The following UBE2E1 variants were observed in gnomAD, a reference collection of about 807,000 sequenced individuals.
The protein encoded by UBE2E1 is ubiquitin conjugating enzyme E2 E1.
In UBE2E1, 6 loss-of-function variants were observed where a neutral mutation model predicts 21.4. That is an observed-to-expected ratio of 0.28 (90% CI 0.15 to 0.55). The LOEUF (loss-of-function observed/expected upper bound fraction) is 0.55, where lower values mean the gene tolerates loss of function less well. Ranked by LOEUF, UBE2E1 falls within the 20% of genes least tolerant of loss-of-function variation. The probability of loss-of-function intolerance (pLI) is 0.93; values close to 1 mark genes in which losing one functional copy is unlikely to be tolerated. For synonymous variants in UBE2E1, 87 were observed against 82.7 expected, an observed-to-expected ratio of 1.05 and a Z score of -0.28; for missense variants, 142 against 236.5, an observed-to-expected ratio of 0.60 and a Z score of 2.62.
chr3:23,879,102 G>GT, intron 3 of UBE2E1: 1 of 510,972 alleles, frequency 2.0e-6, no homozygotes, highest in Non-Finnish European at 3.8e-6. Flanking sequence ...AAGTCTTGCT[G>GT]TTAGCAACTA....
At chr3:23,845,965 C>G (rs1360123243) in intron 3 of UBE2E1, among the ~76,000 whole-genome samples, 1 of 152,036 alleles carries the variant, frequency 6.6e-6, no homozygotes, top group East Asian at 1.9e-4. Flanking sequence ...AACTAGTAGA[C>G]CAAACAGAAA....
intron 3 of UBE2E1, among the ~76,000 whole-genome samples, chr3:23,861,287 T>C (rs1018169908): frequency 6.6e-6 from 1 of 152,232 alleles, no homozygotes; most frequent in African/African-American, 2.4e-5. Context: ...AATTAGGCTC[T>C]CTGCTTCACT....
At chr3:23,882,616 G>A (rs1053268677) in intron 3 of UBE2E1, among the ~76,000 whole-genome samples, 1 of 150,744 alleles carries the variant, frequency 6.6e-6, no homozygotes, top group Admixed American at 6.6e-5. Flanking sequence ...GGCCACGTGG[G>A]AGCCCACTGC....
chr3:23,877,621 G>C (rs992916586), intron 3 of UBE2E1, among the ~76,000 whole-genome samples: 4 of 152,156 alleles, frequency 2.6e-5, no homozygotes, highest in Non-Finnish European at 4.4e-5. Context: ...ACTTCCAGTT[G>C]AGAACCACTG....
In UBE2E1 at chr3:23,841,399, G is replaced by C. The variant is rs998502083; in HGVS notation, c.203+29889G>C. On this transcript the variant is annotated intron_variant, in intron 3 of 5. Transcript: ENST00000306627. Reference sequence around the variant, plus strand: ...AAGAATAGATGATTGATTTTTTTCTGTCTCTCTACTCTTCTTACTCAGAAT... The same window carrying C: ...AAGAATAGATGATTGATTTTTTTCTCTCTCTCTACTCTTCTTACTCAGAAT... Among the ~76,000 whole-genome samples, 23 of 150,810 alleles carry C rather than the reference G, an allele frequency of 1.5e-4. No homozygotes were observed. The East Asian group carries it at 4.1e-3, about 27-fold the overall frequency.
chr3:23,861,694 C>T (rs1387962646), intron 3 of UBE2E1, among the ~76,000 whole-genome samples: 1 of 152,294 alleles, frequency 6.6e-6, no homozygotes, highest in East Asian at 1.9e-4. Context: ...TGTAGGAGCA[C>T]ACTGGGATGC....
At chr3:23,865,147 C>A (rs375033590) in intron 3 of UBE2E1, among the ~76,000 whole-genome samples, 2 of 152,176 alleles carry the variant, frequency 1.3e-5, no homozygotes, top group Admixed American at 1.3e-4. Context: ...TGGCTGTAGT[C>A]AAGGAGTCAG....
intron 3 of UBE2E1, among the ~76,000 whole-genome samples, chr3:23,871,570 C>T (rs1337701011): frequency 6.6e-6 from 1 of 151,744 alleles, no homozygotes; most frequent in Non-Finnish European, 1.5e-5. Flanking sequence ...CTCCTCACTT[C>T]CCAGACGGGG....
At chr3:23,879,178 C>T (rs538198863) in intron 3 of UBE2E1, 1 of 804,070 alleles carries the variant, frequency 1.2e-6, no homozygotes, top group Non-Finnish European at 2.0e-6. Context: ...TTAGTTTCTT[C>T]CATCCTTCCA....
intron 3 of UBE2E1, among the ~76,000 whole-genome samples, chr3:23,815,133 A>G (rs1029793164): frequency 6.6e-6 from 1 of 152,082 alleles, no homozygotes; most frequent in African/African-American, 2.4e-5. Flanking sequence ...GGCGTTCGAC[A>G]CTACACTCGG....
intron 3 of UBE2E1, among the ~76,000 whole-genome samples, chr3:23,867,456 CAATT>C (rs1315075684): frequency 6.6e-6 from 1 of 152,138 alleles, no homozygotes; most frequent in Admixed American, 6.5e-5. Context: ...AATTTATACA[CAATT>C]AAATTCACCC....
chr3:23,842,198 G>GT lies in UBE2E1; in HGVS notation c.203+30688_203+30689insT, dbSNP rs1553637705. Among the ~76,000 whole-genome samples, 1,496 of 104,354 alleles carry GT rather than the reference G, an allele frequency of 0.014. 42 individuals carry two copies. The highest frequency in any genetic ancestry group is 0.026 in the South Asian group (75 of 2,928). The allele number at this position is 104,354 out of a possible 152,430, so 68.5% of individuals were successfully genotyped here. A position where few individuals can be genotyped will look rare whatever the true frequency, so the allele number is the denominator to read the frequency against. On this transcript the variant is annotated intron_variant, in intron 3 of 5. Transcript: ENST00000306627. The surrounding 1 kb of genome is among the most constrained non-coding windows in gnomAD (Gnocchi z 4.6). Reference sequence around the variant, plus strand: ...TATGTCATGACCCAGTAAGTGAAGGGGTGTGTGTGTGTGTGTGTGTGTGTG... The same window carrying GT: ...TATGTCATGACCCAGTAAGTGAAGGGTGTGTGTGTGTGTGTGTGTGTGTGTG...
Position 23,808,096 on chromosome 3 carries a change from G to A in UBE2E1, c.152+675G>A, listed in dbSNP as rs1347988984. ...TTGTCTTTTTTTCATGCTATTTGCT[G>A]TCCTCATGCTGTGAAAATGTTACTT... On this transcript the variant is annotated intron_variant, in intron 2 of 5. Coordinates refer to ENST00000306627, the MANE Select transcript of UBE2E1 (RefSeq NM_003341.5). This position sits in a 1 kb window ranked among gnomAD's most constrained non-coding sequence, Gnocchi z 4.9. 6.6e-6 allele frequency among the ~76,000 whole-genome samples: 1 copy of A among 152,140 alleles called. No homozygotes were observed. Among genetic ancestry groups the A allele is most frequent in the African/African-American group, 2.4e-5 (1 of 41,416 alleles).
chr3:23,870,288 T>TA lies in UBE2E1; in HGVS notation c.204-17272dup, dbSNP rs1310243047. ...CCGGGGGGACCATAGCTCCTTTTTTTAAAAAAAGGAGCCAGTTGTGAAGTC... is the reference window on the plus strand; with the variant it reads ...CCGGGGGGACCATAGCTCCTTTTTTTAAAAAAAAGGAGCCAGTTGTGAAGTC... On this transcript the variant is annotated intron_variant, in intron 3 of 5. Coordinates refer to ENST00000306627, the MANE Select transcript of UBE2E1 (RefSeq NM_003341.5). The surrounding 1 kb of genome is among the most constrained non-coding windows in gnomAD (Gnocchi z 4.2). 3.9e-5 allele frequency among the ~76,000 whole-genome samples: 6 copies of TA among 152,010 alleles called. No individual in the cohort carries two copies. Among genetic ancestry groups the TA allele is most frequent in the Non-Finnish European group, 5.9e-5 (4 of 67,962 alleles).
chr3:23,834,834 A>G (rs1378540016), intron 3 of UBE2E1, among the ~76,000 whole-genome samples: 3 of 152,228 alleles, frequency 2.0e-5, no homozygotes, highest in Admixed American at 1.3e-4. Context: ...TTTGTTTTAT[A>G]AATTTTTTAA....
Position 23,870,264 on chromosome 3 carries a change from C to CG in UBE2E1, c.204-17297dup, listed in dbSNP as rs1700755567. Reference sequence around the variant, plus strand: ...ACAGCTGCAGGATGAGATGGGGGGCCGGGGGGACCATAGCTCCTTTTTTTA... The same window carrying CG: ...ACAGCTGCAGGATGAGATGGGGGGCCGGGGGGGACCATAGCTCCTTTTTTTA... On this transcript the variant is annotated intron_variant, in intron 3 of 5. Transcript: ENST00000306627. This position sits in a 1 kb window ranked among gnomAD's most constrained non-coding sequence, Gnocchi z 4.2. Among the ~76,000 whole-genome samples, 1 of 151,930 alleles carries CG rather than the reference C, an allele frequency of 6.6e-6. No individual in the cohort carries two copies. Among genetic ancestry groups the CG allele is most frequent in the South Asian group, 2.1e-4 (1 of 4,816 alleles).
rs1293465621 is a variant in UBE2E1, at chr3:23,853,506, G to A, written c.204-34061G>A. Among the ~76,000 whole-genome samples, 1 of 151,964 alleles carries A rather than the reference G, an allele frequency of 6.6e-6. No individual in the cohort carries two copies. Among genetic ancestry groups the A allele is most frequent in the African/African-American group, 2.4e-5 (1 of 41,366 alleles). ...CATGCTTTTGTCTCCTCAGAAATCT[G>A]CCTACCCAAAGATTACAAAGATTTT... On this transcript the variant is annotated intron_variant, in intron 3 of 5. Transcript: ENST00000306627. This position sits in a 1 kb window ranked among gnomAD's most constrained non-coding sequence, Gnocchi z 4.1.
At chr3:23,889,389 A>T in intron 5 of UBE2E1, 130 bp downstream of exon 5, 1 of 1,517,242 alleles carries the variant, frequency 6.6e-7, no homozygotes, top group South Asian at 1.3e-5. Flanking sequence ...TCGGCTTTTC[A>T]AAAGAAAGTT....
Position 23,807,349 on chromosome 3 carries a change from A to G in UBE2E1, c.80A>G (p.Asn27Ser), listed in dbSNP as rs1395633627. Residue 27 changes from asparagine to serine, a missense_variant, in exon 2 of 6, where the codon AAC becomes AGC. Physicochemically the swap from Asn to Ser is conservative, Grantham distance 46 (BLOSUM62 1). Around this residue, in one of 2 missense-constraint regions of UBE2E1, gnomAD observed 55 missense variants for 51.5 expected, o/e 1.07. Coordinates refer to ENST00000306627, the MANE Select transcript of UBE2E1 (RefSeq NM_003341.5). ...AACCAGCAAACCGAGAAAGAAACAAACACCCCCAAGAAGAAGGAGAGTAAA... is the reference window on the plus strand; with the variant it reads ...AACCAGCAAACCGAGAAAGAAACAAGCACCCCCAAGAAGAAGGAGAGTAAA... ...SSNQQTEKET[N>S]TPKKKESKVS... 1 of 1,613,796 alleles carries G rather than the reference A, an allele frequency of 6.2e-7. No individual in the cohort carries two copies. The highest frequency in any genetic ancestry group is 1.7e-5 in the Admixed American group (1 of 59,972).
Sources: gnomAD v4.1 joint callset for allele counts (sites outside exome capture counted in the v4.1 genomes callset) on GRCh38, gnomAD v4.1.1 for gene constraint, gnomAD v4.1.1 regional missense constraint, Gnocchi (gnomAD v3.1) non-coding constraint, MANE v1.5 for transcripts, NCBI Gene and HGNC (gene_info 2026-07-23, HGNC 2026-07-21) for gene names.